Variants in PPP3CA observed in about 807,000 individuals in gnomAD.
PPP3CA encodes CAM-PRP catalytic subunit.
In PPP3CA, 14 loss-of-function variants were observed where a neutral mutation model predicts 66.5. The observed-to-expected ratio is 0.21, with a 90% CI of 0.14 to 0.33. The LOEUF (loss-of-function observed/expected upper bound fraction) is 0.33. PPP3CA is among the 10% of genes least tolerant of loss of function. The pLI is 1.00. For missense variants in PPP3CA, 317 were observed against 639.5 expected (o/e 0.50, Z 5.44); for synonymous variants, 232 against 226.2 (o/e 1.03, Z -0.23).
At chr4:101,190,597 A>G (rs1417728717) in intron 2 of PPP3CA, among the ~76,000 whole-genome samples, 1 of 152,090 alleles carries the variant, frequency 6.6e-6, no homozygotes, top group Non-Finnish European at 1.5e-5. Flanking sequence ...ATTCATTACC[A>G]CTCAGCTCAC....
At chr4:101,265,598 CAG>C (rs1363937098) in intron 1 of PPP3CA, among the ~76,000 whole-genome samples, 1 of 152,132 alleles carries the variant, frequency 6.6e-6, no homozygotes, top group East Asian at 1.9e-4. Flanking sequence ...TAAATACAAA[CAG>C]TGAGTTTTTG....
intron 1 of PPP3CA, among the ~76,000 whole-genome samples, chr4:101,200,616 T>G (rs1724939172): frequency 6.6e-6 from 1 of 152,044 alleles, no homozygotes; most frequent in African/African-American, 2.4e-5. Context: ...TTTTCCCCCC[T>G]CAAACAAAAT....
intron 1 of PPP3CA, among the ~76,000 whole-genome samples, chr4:101,273,827 A>G (rs1302115624): frequency 6.6e-6 from 1 of 152,194 alleles, no homozygotes; most frequent in Non-Finnish European, 1.5e-5. Flanking sequence ...AGTAAAATAA[A>G]ACGGTCAACA....
intron 8 of PPP3CA, among the ~76,000 whole-genome samples, chr4:101,079,582 C>T (rs1420076019): frequency 1.3e-5 from 2 of 151,914 alleles, no homozygotes; most frequent in Non-Finnish European, 2.9e-5. Context: ...GGAGTTTCAC[C>T]GTGTTAGCCA....
At chr4:101,188,203 T>A (rs904494465) in intron 2 of PPP3CA, among the ~76,000 whole-genome samples, 5 of 152,054 alleles carry the variant, frequency 3.3e-5, no homozygotes, top group African/African-American at 1.2e-4. Context: ...AATAATACTA[T>A]CTTGAATATG....
intron 1 of PPP3CA, among the ~76,000 whole-genome samples, chr4:101,332,855 C>T (rs961725648): frequency 2.6e-5 from 4 of 152,172 alleles, no homozygotes; most frequent in African/African-American, 7.2e-5. Flanking sequence ...TTTTGTCTAG[C>T]TGTAAACCAA....
intron 2 of PPP3CA, among the ~76,000 whole-genome samples, chr4:101,122,920 A>G (rs926729730): frequency 6.6e-6 from 1 of 152,208 alleles, no homozygotes; most frequent in Admixed American, 6.5e-5. Flanking sequence ...TCACAAGACA[A>G]TGAGGTCTGG....
At position 101,330,370 on chromosome 4, in the gene PPP3CA, A is replaced by G. The variant is rs759895149; in HGVS notation, c.58+16369T>C. ...AGTTTCTTTAGAATCTAAAAAATCT[A>G]CTTTCTTTGCTCATCCTTGAGAAGC... On this transcript the variant is annotated intron_variant, in intron 1 of 13. Coordinates refer to ENST00000394854, the MANE Select transcript of PPP3CA (RefSeq NM_000944.5). 5 of 517,708 alleles carry G rather than the reference A, an allele frequency of 9.7e-6. No homozygotes were observed. The African/African-American group carries it at 9.8e-5, about 10-fold the overall frequency. 32.1% of individuals were successfully genotyped at this position (517,708 alleles called of 1,614,324 possible). A position where few individuals can be genotyped will look rare whatever the true frequency, so the allele number is the denominator to read the frequency against.
chr4:101,113,648 T>C (rs1721748470), intron 2 of PPP3CA, among the ~76,000 whole-genome samples: 1 of 152,134 alleles, frequency 6.6e-6, no homozygotes, highest in South Asian at 2.1e-4. Flanking sequence ...TATTATCTCA[T>C]TCACCATTTT....
At chr4:101,110,927 T>C (rs1721648582) in intron 2 of PPP3CA, among the ~76,000 whole-genome samples, 2 of 143,878 alleles carry the variant, frequency 1.4e-5, no homozygotes, top group African/African-American at 5.5e-5. Flanking sequence ...AAAACTTTTA[T>C]ATATTTTATA....
At chr4:101,096,281 T>C (rs1730191812) in intron 5 of PPP3CA, among the ~76,000 whole-genome samples, 1 of 152,206 alleles carries the variant, frequency 6.6e-6, no homozygotes, top group Non-Finnish European at 1.5e-5. Flanking sequence ...GAATATTGAG[T>C]TCATGGTAGT....
chr4:101,131,018 G>C (rs868525082), intron 2 of PPP3CA, among the ~76,000 whole-genome samples: 1 of 152,014 alleles, frequency 6.6e-6, no homozygotes, highest in Non-Finnish European at 1.5e-5. Context: ...CCTGAGATTA[G>C]GGAGTTTGAA....
intron 1 of PPP3CA, among the ~76,000 whole-genome samples, chr4:101,324,280 A>G (rs1169349744): frequency 6.6e-6 from 1 of 152,078 alleles, no homozygotes; most frequent in Non-Finnish European, 1.5e-5. Context: ...TAACTTGACC[A>G]TGGCAACAGG....
chr4:101,245,634 A>G (rs1414470689), intron 1 of PPP3CA, among the ~76,000 whole-genome samples: 1 of 152,110 alleles, frequency 6.6e-6, no homozygotes, highest in Admixed American at 6.5e-5. Flanking sequence ...TTATCTTCCT[A>G]AAACAATAGG....
intron 1 of PPP3CA, among the ~76,000 whole-genome samples, chr4:101,237,201 G>A (rs949566905): frequency 5.8e-5 from 6 of 102,882 alleles, no homozygotes; most frequent in Admixed American, 1.8e-4. Flanking sequence ...CTCCTGCAAC[G>A]TCAAAGTTCA....
At chr4:101,322,948 A>C (rs1355504070) in intron 1 of PPP3CA, among the ~76,000 whole-genome samples, 1 of 152,130 alleles carries the variant, frequency 6.6e-6, no homozygotes, top group Non-Finnish European at 1.5e-5. Context: ...TTTTTGCTAC[A>C]CTCAGCATAT....
At chr4:101,033,052 ACAT>A (rs1169238351) in intron 11 of PPP3CA, among the ~76,000 whole-genome samples, 1 of 152,106 alleles carries the variant, frequency 6.6e-6, no homozygotes, top group African/African-American at 2.4e-5. Flanking sequence ...AGTTTTAAGT[ACAT>A]CATTATTTTA....
intron 8 of PPP3CA, among the ~76,000 whole-genome samples, chr4:101,078,921 T>C (rs1056902552): frequency 2.0e-5 from 3 of 152,232 alleles, no homozygotes; most frequent in Non-Finnish European, 2.9e-5. Flanking sequence ...AGACTACTAA[T>C]GGCAGCACTT....
At chr4:101,120,507 T>G (rs1721992641) in intron 2 of PPP3CA, among the ~76,000 whole-genome samples, 1 of 150,872 alleles carries the variant, frequency 6.6e-6, no homozygotes, top group Non-Finnish European at 1.5e-5. Context: ...CCCATTTCCA[T>G]CCATCACATT....
Sources: allele counts gnomAD v4.1 joint callset (sites outside exome capture counted in the v4.1 genomes callset), GRCh38; gene constraint gnomAD v4.1.1; transcripts MANE v1.5; gene names NCBI Gene and HGNC (gene_info 2026-07-23, HGNC 2026-07-21).